CSMD1: variants seen among roughly 807,000 people sequenced by gnomAD.
CSMD1 encodes the protein CUB and Sushi multiple domains 1, also known as CUB and sushi domain-containing protein 1.
CSMD1 carries 213 observed loss-of-function variants against 417.5 expected under a neutral mutation model. The ratio of observed to expected loss-of-function variants is 0.51; its 90% CI spans 0.46 to 0.57. The LOEUF (loss-of-function observed/expected upper bound fraction) is 0.57. Ranked by LOEUF, CSMD1 falls within the 20% of genes least tolerant of loss-of-function variation. The pLI, the probability that CSMD1 is intolerant of heterozygous loss-of-function variation, is 0.00. For synonymous variants in CSMD1, 2,862 were observed against 1,736.8 expected (o/e 1.65, Z -16.11); for missense variants, 6,923 against 4,529.7 (o/e 1.53, Z -15.17).
At chr8:4,579,196 G>C (rs929556445) in intron 2 of CSMD1, among the ~76,000 whole-genome samples, 1 of 151,796 alleles carries the variant, frequency 6.6e-6, no homozygotes, top group African/African-American at 2.4e-5. Context: ...AGTCAGGTGT[G>C]GTTGCTCTGA....
At chr8:4,055,862 T>C (rs996422874) in intron 3 of CSMD1, among the ~76,000 whole-genome samples, 39 of 152,132 alleles carry the variant, frequency 2.6e-4, no homozygotes, top group Admixed American at 1.3e-4. Flanking sequence ...TGCCAGCTTA[T>C]TTAAACATAC....
rs562199147 is a variant in CSMD1 at position 3,422,804 on chromosome 8, A to G, written c.1562-13199T>C. 6.6e-5 allele frequency among the ~76,000 whole-genome samples: 10 copies of G among 152,316 alleles called. No homozygotes were observed. In the South Asian group the frequency reaches 1.7e-3, roughly 25 times the overall value. ...CATGGTTCAAGAGGCTAGGAAGATC[A>G]AGATAAAGGCACTGGGAAGGTTGGT... On this transcript the variant is annotated intron_variant, in intron 12 of 69. Coordinates refer to ENST00000635120, the MANE Select transcript of CSMD1 (RefSeq NM_033225.6).
At chr8:3,183,388 C>T (rs910031452) in intron 36 of CSMD1, among the ~76,000 whole-genome samples, 1 of 148,898 alleles carries the variant, frequency 6.7e-6, no homozygotes. Flanking sequence ...CCACCGACGT[C>T]ACGAACTGAA....
intron 1 of CSMD1, among the ~76,000 whole-genome samples, chr8:4,759,919 T>A (rs1673246): frequency 6.6e-6 from 1 of 152,098 alleles, no homozygotes; most frequent in Admixed American, 6.5e-5. Flanking sequence ...TTTCTTTGGG[T>A]ATATACCTAA....
At chr8:3,080,158 G>C (rs916922296) in intron 49 of CSMD1, among the ~76,000 whole-genome samples, 1 of 152,188 alleles carries the variant, frequency 6.6e-6, no homozygotes, top group African/African-American at 2.4e-5. Flanking sequence ...AAAGTAAATA[G>C]CTGCCTGGGA....
At chr8:3,481,171 A>AC (rs1434845391) in intron 11 of CSMD1, among the ~76,000 whole-genome samples, 1 of 150,426 alleles carries the variant, frequency 6.6e-6, no homozygotes, top group East Asian at 2.0e-4. Flanking sequence ...AAAAAAAAAA[A>AC]AAAAAAAACC....
chr8:4,879,279 T>C (rs1368457364), intron 1 of CSMD1, among the ~76,000 whole-genome samples: 1 of 151,964 alleles, frequency 6.6e-6, no homozygotes, highest in African/African-American at 2.4e-5. Context: ...GGGGAGATAG[T>C]TTCAATTTGT....
chr8:3,980,001 G>T (rs532277855), intron 5 of CSMD1, among the ~76,000 whole-genome samples: 1 of 152,196 alleles, frequency 6.6e-6, no homozygotes, highest in African/African-American at 2.4e-5. Context: ...ACAACTCACA[G>T]ATACTTCAAA....
At chr8:3,567,790 C>T (rs1490002672) in intron 10 of CSMD1, among the ~76,000 whole-genome samples, 1 of 152,134 alleles carries the variant, frequency 6.6e-6, no homozygotes, top group African/African-American at 2.4e-5. Context: ...CTGCTACTTG[C>T]CTTTCTTGAA....
intron 7 of CSMD1, among the ~76,000 whole-genome samples, chr8:3,655,052 G>C (rs1245622116): frequency 6.6e-6 from 1 of 152,088 alleles, no homozygotes; most frequent in Non-Finnish European, 1.5e-5. Context: ...CAGTTAAAGA[G>C]GGAAATAATT....
intron 3 of CSMD1, among the ~76,000 whole-genome samples, chr8:4,404,268 A>T (rs537530576): frequency 6.6e-6 from 1 of 152,096 alleles, no homozygotes; most frequent in Non-Finnish European, 1.5e-5. Flanking sequence ...TATTTATGTC[A>T]TCTATCACCT....
chr8:3,538,172 A>G (rs1798281509), intron 10 of CSMD1, among the ~76,000 whole-genome samples: 1 of 152,052 alleles, frequency 6.6e-6, no homozygotes, highest in South Asian at 2.1e-4. Flanking sequence ...AAATTACATG[A>G]CGGATCAACT....
At chr8:3,335,475 C>T (rs775198562) in intron 23 of CSMD1, among the ~76,000 whole-genome samples, 6 of 152,076 alleles carry the variant, frequency 3.9e-5, no homozygotes, top group Non-Finnish European at 8.8e-5. Flanking sequence ...GTCGGGAGAT[C>T]GAGACCAGCC....
chr8:3,750,795 G>C (rs145601309), intron 6 of CSMD1, among the ~76,000 whole-genome samples: 2 of 152,268 alleles, frequency 1.3e-5, no homozygotes, highest in South Asian at 2.1e-4. Flanking sequence ...CTCATCCTAA[G>C]CTGTTGCTCT....
intron 3 of CSMD1, among the ~76,000 whole-genome samples, chr8:4,228,301 C>G (rs1394354282): frequency 6.6e-6 from 1 of 152,182 alleles, no homozygotes; most frequent in African/African-American, 2.4e-5. Flanking sequence ...GGCAGTAAAA[C>G]TCTTTGAAAT....
intron 23 of CSMD1, among the ~76,000 whole-genome samples, chr8:3,330,021 G>C (rs756640734): frequency 6.6e-6 from 1 of 152,162 alleles, no homozygotes; most frequent in East Asian, 1.9e-4. Context: ...TTGTGTGGAG[G>C]AATGGACTGT....
chr8:4,274,673 T>C (rs1563371959), intron 3 of CSMD1, among the ~76,000 whole-genome samples: 1 of 152,082 alleles, frequency 6.6e-6, no homozygotes, highest in East Asian at 1.9e-4. Context: ...AAAATAAAAT[T>C]AAATGTTTCT....
intron 3 of CSMD1, among the ~76,000 whole-genome samples, chr8:4,246,664 C>G (rs545537968): frequency 6.6e-6 from 1 of 152,030 alleles, no homozygotes; most frequent in South Asian, 2.1e-4. Flanking sequence ...GCAAAAGAAA[C>G]AAAAAACAAC....
intron 3 of CSMD1, among the ~76,000 whole-genome samples, chr8:4,040,387 A>G (rs1330020887): frequency 6.6e-6 from 1 of 152,218 alleles, no homozygotes; most frequent in Non-Finnish European, 1.5e-5. Context: ...AAACAAAAAC[A>G]TGCTGCAGGG....
Sources: gnomAD v4.1 joint callset for allele counts (sites outside exome capture counted in the v4.1 genomes callset) on GRCh38, gnomAD v4.1.1 for gene constraint, MANE v1.5 for transcripts, NCBI Gene and HGNC (gene_info 2026-07-23, HGNC 2026-07-21) for gene names.